SMTNL2: variants seen among roughly 807,000 people sequenced by gnomAD.
SMTNL2 encodes the protein smoothelin-like protein 2.
A neutral mutation model predicts 44.1 loss-of-function variants in SMTNL2; 43 were observed. That is an observed-to-expected ratio of 0.98 (90% CI 0.76 to 1.26). The LOEUF (loss-of-function observed/expected upper bound fraction) is 1.26. Among genes scored for constraint, SMTNL2 ranks in the 50% most tolerant of loss-of-function variants. The pLI is 0.00. For missense variants in SMTNL2, 646 were observed against 670.2 expected (o/e 0.96, Z 0.40); for synonymous variants, 317 against 287.6 (o/e 1.10, Z -1.03).
intron 1 of SMTNL2, among the ~76,000 whole-genome samples, chr17:4,591,250 A>G (rs1461922285): frequency 6.6e-6 from 1 of 152,226 alleles, no homozygotes; most frequent in Non-Finnish European, 1.5e-5. Flanking sequence ...ATCTGGGGCC[A>G]GGGATGCAAC....
chr17:4,603,349 C>G lies in SMTNL2; in HGVS notation c.1260-4012C>G, dbSNP rs149492171. On this transcript the variant is annotated intron_variant, in intron 7 of 7. Coordinates refer to ENST00000389313, the MANE Select transcript of SMTNL2 (RefSeq NM_001114974.2). The stretch of plus-strand genomic sequence containing the variant: ...GTTTTCTTCTGGCGTGTGAAGGGTT[C>G]TGACATGGGGGAAAAATCAGACTGA... Among the ~76,000 whole-genome samples, 86 of 152,186 alleles carry G rather than the reference C, an allele frequency of 5.7e-4. 1 individual carries two copies. The highest frequency in any genetic ancestry group is 2.0e-3 in the African/African-American group (85 of 41,546).
intron 3 of SMTNL2, 96 bp from the exon 4 acceptor site, chr17:4,593,726 G>A (rs969908267): frequency 2.3e-5 from 29 of 1,245,222 alleles, no homozygotes; most frequent in East Asian, 4.7e-5. Flanking sequence ...CAGCGATGCC[G>A]GGTAAATGAG....
At chr17:4,589,673 C>A (rs1248892611) in intron 1 of SMTNL2, among the ~76,000 whole-genome samples, 1 of 152,142 alleles carries the variant, frequency 6.6e-6, no homozygotes, top group Non-Finnish European at 1.5e-5. Context: ...TCACCTTTCT[C>A]ACCCTATGAA....
At chr17:4,586,078 G>C (rs1235825371) in intron 1 of SMTNL2, among the ~76,000 whole-genome samples, 1 of 152,208 alleles carries the variant, frequency 6.6e-6, no homozygotes, top group Non-Finnish European at 1.5e-5. Flanking sequence ...GATGAGGGTG[G>C]GGTGGGGGCT....
intron 1 of SMTNL2, among the ~76,000 whole-genome samples, chr17:4,585,394 A>G (rs1314391430): frequency 6.6e-6 from 1 of 152,058 alleles, no homozygotes; most frequent in African/African-American, 2.4e-5. Context: ...CCCACCCTCC[A>G]TTCACGCTCC....
chr17:4,604,141 G>A (rs1049561067), intron 7 of SMTNL2, among the ~76,000 whole-genome samples: 3 of 152,270 alleles, frequency 2.0e-5, no homozygotes, highest in Middle Eastern at 3.4e-3. Context: ...CACCGCGCCC[G>A]GCCTGAACTC....
Position 4,595,253 on chromosome 17 carries a change from G to A in SMTNL2, c.915G>A (p.Thr305=), listed in dbSNP as rs772409358. ...ERRRELVRSQ[T]LPRTSEAQAR... ...GCAGGGAGCTGGTGAGGTCGCAGAC[G>A]CTGCCCCGCACCTCGGAGGCGCAGG... Residue 305 remains threonine (T), a synonymous_variant, in exon 5 of 8, where the codon ACG becomes ACA. Coordinates refer to ENST00000389313, the MANE Select transcript of SMTNL2 (RefSeq NM_001114974.2). This position sits in a 1 kb window ranked among gnomAD's most constrained non-coding sequence, Gnocchi z 5.1. 41 of 1,613,160 alleles carry A rather than the reference G, an allele frequency of 2.5e-5. No individual in the cohort carries two copies. Among genetic ancestry groups the A allele is most frequent in the Non-Finnish European group, 3.1e-5 (36 of 1,179,972 alleles).
rs1274386421 is a variant in SMTNL2, at chr17:4,595,080, T to C, written c.807-65T>C. The C allele has an allele frequency of 1.2e-6, 2 of 1,608,984 alleles. No individual in the cohort carries two copies. The highest frequency in any genetic ancestry group is 4.5e-5 in the East Asian group (2 of 44,830). On this transcript the variant is annotated intron_variant, in intron 4 of 7. Coordinates refer to ENST00000389313, the MANE Select transcript of SMTNL2 (RefSeq NM_001114974.2). The surrounding 1 kb of genome is among the most constrained non-coding windows in gnomAD (Gnocchi z 5.1). ...GTCCACACTCAGTGCAATGGAGACC[T>C]TGGGGCCTGGTGAGCTAGTGATGGC...
At chr17:4,602,088 A>G (rs1173369196) in intron 7 of SMTNL2, among the ~76,000 whole-genome samples, 2 of 152,082 alleles carry the variant, frequency 1.3e-5, no homozygotes, top group Non-Finnish European at 2.9e-5. Context: ...TAGATTTTGG[A>G]ATATTTGCAT....
chr17:4,595,432 C>A lies in SMTNL2; in HGVS notation c.989+105C>A. The A allele has an allele frequency of 6.9e-7, 1 of 1,448,986 alleles. No individual in the cohort carries two copies. Among genetic ancestry groups the A allele is most frequent in the Non-Finnish European group, 9.3e-7 (1 of 1,079,600 alleles). The allele number at this position is 1,448,986 out of a possible 1,614,324, so 89.8% of individuals were successfully genotyped here. ...CAAGGTTCAGCCCTGTCCTGTTCCC[C>A]AGGGCGCTGTTGCCCAGGACAAGAT... is the stretch of plus-strand genomic sequence containing the variant. On this transcript the variant is annotated intron_variant, in intron 5 of 7. Transcript: ENST00000389313. This position sits in a 1 kb window ranked among gnomAD's most constrained non-coding sequence, Gnocchi z 5.1.
rs1909274984 is a variant in SMTNL2 at position 4,584,838 on chromosome 17, C to A, written c.233C>A (p.Thr78Lys). The A allele has an allele frequency of 2.3e-6, 3 of 1,329,740 alleles. No homozygotes were observed. Among genetic ancestry groups the A allele is most frequent in the African/African-American group, 3.1e-5 (2 of 64,866 alleles). 82.4% of individuals were successfully genotyped at this position (1,329,740 alleles called of 1,614,324 possible). A position where few individuals can be genotyped will look rare whatever the true frequency, so the allele number is the denominator to read the frequency against. The change falls in exon 1 of 8, where the codon ACG (threonine) becomes AAG (lysine). Residue 78 changes from threonine (T) to lysine (K), a missense_variant. Coordinates refer to ENST00000389313, the MANE Select transcript of SMTNL2 (RefSeq NM_001114974.2). ...QRLQAQLERL[T>K]RQVEALGLAS... ...CTGCAGGCGCAGCTCGAGCGCCTGA[C>A]GCGCCAGGTGGAGGCGCTGGGCTTG...
intron 3 of SMTNL2, 141 bp from the exon 4 acceptor site, chr17:4,593,681 G>C (rs755358663): frequency 1.3e-6 from 1 of 758,192 alleles, no homozygotes; most frequent in Non-Finnish European, 2.1e-6. Flanking sequence ...TGCTGAGGCA[G>C]GGCCAGCTTA....
rs1408112883 is a variant in SMTNL2 at position 4,600,745 on chromosome 17, G to A, written c.1259+3422G>A. ...AGTCGGGCGGGCGCCTGACCCTTCTGCACCCGTCCTTTCCACCTCTGCAGA... is the reference window on the plus strand; with the variant it reads ...AGTCGGGCGGGCGCCTGACCCTTCTACACCCGTCCTTTCCACCTCTGCAGA... On this transcript the variant is annotated intron_variant, in intron 7 of 7. Coordinates refer to ENST00000389313, the MANE Select transcript of SMTNL2 (RefSeq NM_001114974.2). This position sits in a 1 kb window ranked among gnomAD's most constrained non-coding sequence, Gnocchi z 4.7. Among the ~76,000 whole-genome samples, 2 of 152,138 alleles carry A rather than the reference G, an allele frequency of 1.3e-5. No individual in the cohort carries two copies. The highest frequency in any genetic ancestry group is 2.9e-5 in the Non-Finnish European group (2 of 68,010).
In SMTNL2 at chr17:4,606,141, CG is replaced by C. The variant is rs1375939545; in HGVS notation, c.1260-1218del. Among the ~76,000 whole-genome samples the C allele has an allele frequency of 2.6e-5, 4 of 151,518 alleles. No individual in the cohort carries two copies. In the East Asian group the frequency reaches 5.8e-4, roughly 22 times the overall value. On this transcript the variant is annotated intron_variant, in intron 7 of 7. Transcript: ENST00000389313. ...AAGCAATCTCTTTTTTTTTTTGAGA[CG>C]GAGTCTTTCTTGCTCTGCCCCCAGG...
intron 1 of SMTNL2, among the ~76,000 whole-genome samples, chr17:4,591,078 C>T (rs558638020): frequency 6.6e-6 from 1 of 152,336 alleles, no homozygotes; most frequent in South Asian, 2.1e-4. Flanking sequence ...GGCACCCCTG[C>T]CTCTGAGAAG....
intron 4 of SMTNL2, 43 bp downstream of exon 4, chr17:4,593,940 G>A (rs1265096692): frequency 1.2e-6 from 2 of 1,604,246 alleles, no homozygotes; most frequent in East Asian, 2.2e-5. Context: ...TGCGCCCCAG[G>A]TGTCTTCTCT....
rs1909908096 is a variant in SMTNL2 at position 4,598,559 on chromosome 17, C to T, written c.1259+1236C>T. Among the ~76,000 whole-genome samples the T allele has an allele frequency of 1.3e-5, 2 of 152,148 alleles. No individual in the cohort carries two copies. The highest frequency in any genetic ancestry group is 1.3e-4 in the Admixed American group (2 of 15,282). On this transcript the variant is annotated intron_variant, in intron 7 of 7. Transcript: ENST00000389313. The surrounding 1 kb of genome is among the most constrained non-coding windows in gnomAD (Gnocchi z 4.8). ...TGGTCCTTGGCCGGGCACGGTGGCT[C>T]CCACCTGTAATCCTAGCACTTTGGG...
At chr17:4,601,355 C>A (rs1375570497) in intron 7 of SMTNL2, among the ~76,000 whole-genome samples, 2 of 151,524 alleles carry the variant, frequency 1.3e-5, no homozygotes, top group Non-Finnish European at 2.9e-5. Flanking sequence ...GCAGAGATTG[C>A]AGTGAACCCA....
chr17:4,596,785 C>T, intron 5 of SMTNL2, 75 bp from the exon 6 acceptor site: 6 of 1,295,978 alleles, frequency 4.6e-6, no homozygotes, highest in Admixed American at 3.2e-5. Flanking sequence ...CCAGGACAGC[C>T]TCCCCTGCCC....
Sources: allele counts gnomAD v4.1 joint callset (sites outside exome capture counted in the v4.1 genomes callset), GRCh38; gene constraint gnomAD v4.1.1; non-coding constraint Gnocchi (gnomAD v3.1); transcripts MANE v1.5; gene names NCBI Gene and HGNC (gene_info 2026-07-23, HGNC 2026-07-21).